COL14A1: variants seen among roughly 807,000 people sequenced by gnomAD.
The protein encoded by COL14A1 is collagen type XIV alpha 1 chain.
Under a neutral mutation model 230.3 loss-of-function variants are expected in COL14A1, and 136 were observed. The observed-to-expected ratio is 0.59, with a 90% CI of 0.51 to 0.68. The LOEUF is 0.68. Ranked by LOEUF, COL14A1 falls within the 30% of genes least tolerant of loss-of-function variation. The probability of loss-of-function intolerance (pLI) is 0.00; values close to 1 mark genes in which losing one functional copy is unlikely to be tolerated. For missense variants in COL14A1, 1,976 were observed against 2,215.8 expected, an observed-to-expected ratio of 0.89 and a Z score of 2.17; for synonymous variants, 792 against 784.1, an observed-to-expected ratio of 1.01 and a Z score of -0.17.
chr8:120,216,242 C>T (rs1406501503), intron 13 of COL14A1, 109 bp from the exon 14 acceptor site: 1 of 806,324 alleles, frequency 1.2e-6, no homozygotes. Context: ...AAGTTATTAT[C>T]TAGGTGACAC....
intron 46 of COL14A1, among the ~76,000 whole-genome samples, chr8:120,367,757 G>A (rs1376584295): frequency 4.0e-5 from 6 of 149,298 alleles, no homozygotes; most frequent in Admixed American, 2.0e-4. Flanking sequence ...GCAATGTGAC[G>A]AAACCCCATT....
chr8:120,253,023 T>G (rs1819025120), intron 22 of COL14A1, among the ~76,000 whole-genome samples: 1 of 152,210 alleles, frequency 6.6e-6, no homozygotes, highest in Non-Finnish European at 1.5e-5. Context: ...GATCTTGTGC[T>G]TGGCTGTTGA....
chr8:120,233,484 T>G (rs748021723), intron 19 of COL14A1, among the ~76,000 whole-genome samples: 10 of 152,166 alleles, frequency 6.6e-5, no homozygotes, highest in Non-Finnish European at 1.3e-4. Flanking sequence ...TGTCTAAGAT[T>G]CATTTTTGTA....
intron 13 of COL14A1, among the ~76,000 whole-genome samples, chr8:120,215,500 C>A (rs1286391379): frequency 6.6e-6 from 1 of 151,954 alleles, no homozygotes; most frequent in Non-Finnish European, 1.5e-5. Context: ...AGTTGGGAAC[C>A]ATTTGGAAGG....
At chr8:120,207,482 G>C (rs867544411) in intron 10 of COL14A1, among the ~76,000 whole-genome samples, 5 of 152,240 alleles carry the variant, frequency 3.3e-5, no homozygotes, top group Middle Eastern at 3.4e-3. Flanking sequence ...GAATTCCAAA[G>C]TACGTGGTCA....
At chr8:120,338,049 T>A (rs1257302613) in intron 42 of COL14A1, among the ~76,000 whole-genome samples, 2 of 152,190 alleles carry the variant, frequency 1.3e-5, no homozygotes, top group East Asian at 3.9e-4. Context: ...ATTTACCATG[T>A]CAATCAGGTT....
chr8:120,164,513 C>T (rs558185418), intron 4 of COL14A1, among the ~76,000 whole-genome samples: 5 of 151,914 alleles, frequency 3.3e-5, no homozygotes, highest in Non-Finnish European at 4.4e-5. Context: ...TTGGAAAAAT[C>T]GCAATTACTT....
At chr8:120,314,890 A>G (rs1251773326) in intron 38 of COL14A1, among the ~76,000 whole-genome samples, 1 of 152,270 alleles carries the variant, frequency 6.6e-6, no homozygotes, top group Non-Finnish European at 1.5e-5. Flanking sequence ...ACAAATCTAC[A>G]TAGATATGAG....
At chr8:120,278,058 G>A in intron 26 of COL14A1, 53 bp from the exon 27 acceptor site, 1 of 1,487,378 alleles carries the variant, frequency 6.7e-7, no homozygotes, top group Non-Finnish European at 9.0e-7. Flanking sequence ...GTTGCTCTCT[G>A]ACCCAGTGGA....
intron 2 of COL14A1, among the ~76,000 whole-genome samples, chr8:120,150,470 C>A (rs1420014975): frequency 6.6e-6 from 1 of 152,090 alleles, no homozygotes; most frequent in Non-Finnish European, 1.5e-5. Flanking sequence ...TGGAGACAGA[C>A]AAAAGATAGG....
At chr8:120,240,617 T>C (rs1818582034) in intron 19 of COL14A1, among the ~76,000 whole-genome samples, 1 of 152,190 alleles carries the variant, frequency 6.6e-6, no homozygotes, top group South Asian at 2.1e-4. Context: ...TCCTTAACTC[T>C]CAAGGCTGAT....
intron 30 of COL14A1, 75 bp downstream of exon 30, chr8:120,280,824 T>A: frequency 6.5e-7 from 1 of 1,529,676 alleles, no homozygotes; most frequent in Non-Finnish European, 8.8e-7. Context: ...TTTCTGTTTT[T>A]GTTTTTAAAT....
chr8:120,267,678 T>A (rs1819538813), intron 25 of COL14A1, among the ~76,000 whole-genome samples: 1 of 151,888 alleles, frequency 6.6e-6, no homozygotes, highest in Non-Finnish European at 1.5e-5. Flanking sequence ...AACTGCTTAA[T>A]GGATTTAGTG....
rs538803279 is a variant in COL14A1 at position 120,297,171 on chromosome 8, T to G, written c.4237-340T>G. 1.3e-4 allele frequency among the ~76,000 whole-genome samples: 19 copies of G among 151,580 alleles called. No individual in the cohort carries two copies. The East Asian group carries it at 3.1e-3, about 25-fold the overall frequency. ...TGTGCTATAGAGGAGGCATATGGAG[T>G]GTTGTGTGACTACAGAGTCATTTGG... On this transcript the variant is annotated intron_variant, in intron 34 of 47. Coordinates refer to ENST00000297848, the MANE Select transcript of COL14A1 (RefSeq NM_021110.4).
chr8:120,279,035 C>G (rs1377279361), intron 28 of COL14A1, among the ~76,000 whole-genome samples: 2 of 149,546 alleles, frequency 1.3e-5, no homozygotes, highest in Admixed American at 6.8e-5. Context: ...TCATCCTCAG[C>G]AAACTAACAC....
intron 23 of COL14A1, among the ~76,000 whole-genome samples, chr8:120,262,161 A>G (rs955043449): frequency 6.6e-6 from 1 of 152,056 alleles, no homozygotes; most frequent in African/African-American, 2.4e-5. Flanking sequence ...ATCATATCGA[A>G]TAAAAGGGAG....
chr8:120,202,997 TA>T (rs1817302887), intron 8 of COL14A1, among the ~76,000 whole-genome samples: 1 of 79,306 alleles, frequency 1.3e-5, no homozygotes, highest in Non-Finnish European at 2.6e-5. Flanking sequence ...CAAATATATA[TA>T]TATATATATA....
At position 120,310,069 on chromosome 8, in the gene COL14A1, C is replaced by A. The variant is rs750032953; in HGVS notation, c.4455+7C>A. The A allele has an allele frequency of 1.8e-5, 29 of 1,612,466 alleles. No individual in the cohort carries two copies. The highest frequency in any genetic ancestry group is 2.2e-5 in the East Asian group (1 of 44,880). ...AGGTGAACCGGGTCCAAAGGTAATG[C>A]GCATGTTTTCTCTCTCTCTCTGTCT... On this transcript the variant is annotated splice_region_variant and intron_variant, in intron 37 of 47. Transcript: ENST00000297848.
At chr8:120,320,235 T>G (rs1263395525) in intron 40 of COL14A1, among the ~76,000 whole-genome samples, 4 of 152,194 alleles carry the variant, frequency 2.6e-5, no homozygotes, top group Non-Finnish European at 5.9e-5. Context: ...TATAAAAATG[T>G]GATTTTAGCT....
Sources: gnomAD v4.1 joint callset for allele counts (sites outside exome capture counted in the v4.1 genomes callset) on GRCh38, gnomAD v4.1.1 for gene constraint, MANE v1.5 for transcripts, NCBI Gene and HGNC (gene_info 2026-07-23, HGNC 2026-07-21) for gene names.